The following KLF12 variants were observed in gnomAD, a reference collection of about 807,000 sequenced individuals.
KLF12 encodes the protein KLF transcription factor 12.
KLF12 carries 9 observed loss-of-function variants against 37.8 expected under a neutral mutation model. That is an observed-to-expected ratio of 0.24 (90% CI 0.14 to 0.42). KLF12 has a LOEUF of 0.42. Among genes scored for constraint, KLF12 ranks in the 10% least tolerant of loss-of-function variants. KLF12 has a pLI of 1.00. For missense variants in KLF12, 411 were observed against 516.0 expected (o/e 0.80, Z 1.97); for synonymous variants, 208 against 202.1 (o/e 1.03, Z -0.25).
intron 3 of KLF12, among the ~76,000 whole-genome samples, chr13:73,936,450 C>G (rs55862834): frequency 0.01 from 1,559 of 152,240 alleles, 24 homozygotes; most frequent in African/African-American, 0.036. Context: ...AAGAATTGTT[C>G]AACCTACTGC....
At chr13:74,098,288 A>G (rs1210014258) in intron 1 of KLF12, among the ~76,000 whole-genome samples, 1 of 152,200 alleles carries the variant, frequency 6.6e-6, no homozygotes, top group African/African-American at 2.4e-5. Context: ...GGTCCAGGTA[A>G]TTATTAACTA....
intron 3 of KLF12, among the ~76,000 whole-genome samples, chr13:73,896,529 T>A (rs767744616): frequency 6.6e-6 from 1 of 152,202 alleles, no homozygotes; most frequent in Non-Finnish European, 1.5e-5. Flanking sequence ...ATGTGGTATA[T>A]TCAGCTTTAT....
chr13:73,774,302 A>ATC (rs1491120262), intron 5 of KLF12, among the ~76,000 whole-genome samples: 1 of 138,262 alleles, frequency 7.2e-6, no homozygotes. Flanking sequence ...ACACACACAC[A>ATC]TCTATATATA....
intron 1 of KLF12, among the ~76,000 whole-genome samples, chr13:74,060,455 G>T (rs73529190): frequency 1.3e-5 from 2 of 148,500 alleles, no homozygotes; most frequent in African/African-American, 5.0e-5. Flanking sequence ...GACATCTTTC[G>T]CCTCCGTGGT....
chr13:74,157,886 C>G, the KLF12 span, among the ~76,000 whole-genome samples: 1 of 152,238 alleles, frequency 6.6e-6, no homozygotes, highest in Non-Finnish European at 1.5e-5. Context: ...CAGGTGCCCT[C>G]ACAACCAGCC....
At chr13:73,806,781 A>C (rs1882658306) in intron 5 of KLF12, among the ~76,000 whole-genome samples, 2 of 152,070 alleles carry the variant, frequency 1.3e-5, no homozygotes, top group Admixed American at 6.6e-5. Flanking sequence ...AAATTACATG[A>C]GTTTTCATAG....
intron 1 of KLF12, among the ~76,000 whole-genome samples, chr13:74,067,550 T>C (rs1873987424): frequency 6.6e-6 from 1 of 152,062 alleles, no homozygotes; most frequent in South Asian, 2.1e-4. Flanking sequence ...CAGGTACCTA[T>C]CCACAAAATG....
chr13:74,253,138 T>C, the KLF12 span, among the ~76,000 whole-genome samples: 293 of 152,328 alleles, frequency 1.9e-3, 2 homozygotes, highest in Non-Finnish European at 2.6e-3. Context: ...TAGAGAAATA[T>C]CTATGCTTTT....
chr13:74,109,515 T>C (rs936641204), intron 1 of KLF12, among the ~76,000 whole-genome samples: 1 of 152,138 alleles, frequency 6.6e-6, no homozygotes, highest in African/African-American at 2.4e-5. Context: ...AGAAGTACTC[T>C]AGAACACAGG....
At chr13:73,807,548 G>T (rs1400224616) in intron 5 of KLF12, among the ~76,000 whole-genome samples, 2 of 152,086 alleles carry the variant, frequency 1.3e-5, no homozygotes, top group Non-Finnish European at 2.9e-5. Context: ...GCTTTAATTA[G>T]CTTAAATGTA....
At chr13:74,303,260 G>A in the KLF12 span, among the ~76,000 whole-genome samples, 1 of 152,074 alleles carries the variant, frequency 6.6e-6, no homozygotes, top group African/African-American at 2.4e-5. Context: ...TCTCATGCTT[G>A]GCACATGGCA....
chr13:73,853,323 C>G (rs1885434484), intron 3 of KLF12, among the ~76,000 whole-genome samples: 1 of 152,154 alleles, frequency 6.6e-6, no homozygotes, highest in Non-Finnish European at 1.5e-5. Context: ...TTACCTGAAG[C>G]AAATCAGAAT....
intron 1 of KLF12, among the ~76,000 whole-genome samples, chr13:74,078,466 A>G (rs1392272765): frequency 2.0e-5 from 3 of 152,254 alleles, no homozygotes; most frequent in Non-Finnish European, 4.4e-5. Flanking sequence ...TAAAACTGTT[A>G]CAAGGCATAA....
intron 2 of KLF12, among the ~76,000 whole-genome samples, chr13:73,990,370 C>T (rs1891934743): frequency 1.3e-5 from 2 of 150,996 alleles, no homozygotes; most frequent in East Asian, 3.9e-4. Flanking sequence ...ATAAATTGTT[C>T]ATTAGCATCC....
the KLF12 span, among the ~76,000 whole-genome samples, chr13:74,234,139 T>C: frequency 1.3e-5 from 2 of 152,150 alleles, no homozygotes; most frequent in Non-Finnish European, 2.9e-5. Flanking sequence ...AATTTTTTGG[T>C]AAACATAAAA....
At chr13:74,304,946 T>C in the KLF12 span, among the ~76,000 whole-genome samples, 1 of 152,140 alleles carries the variant, frequency 6.6e-6, no homozygotes, top group Non-Finnish European at 1.5e-5. Context: ...TTCCACACGC[T>C]TATTTAAGAT....
At chr13:74,265,356 A>G in the KLF12 span, among the ~76,000 whole-genome samples, 1 of 152,164 alleles carries the variant, frequency 6.6e-6, no homozygotes, top group Non-Finnish European at 1.5e-5. Context: ...TGATTTATTG[A>G]TCATTGAGTC....
intron 3 of KLF12, among the ~76,000 whole-genome samples, chr13:73,899,217 A>T (rs567705465): frequency 6.6e-6 from 1 of 152,318 alleles, no homozygotes; most frequent in Non-Finnish European, 1.5e-5. Context: ...AATAAAAGCA[A>T]GCATGATCTA....
At chr13:74,049,714 A>C (rs1872784070) in intron 1 of KLF12, among the ~76,000 whole-genome samples, 1 of 152,216 alleles carries the variant, frequency 6.6e-6, no homozygotes, top group African/African-American at 2.4e-5. Context: ...GGATAATCCA[A>C]CATTTGAGAA....
Sources: gnomAD v4.1 joint callset for allele counts (sites outside exome capture counted in the v4.1 genomes callset) on GRCh38, gnomAD v4.1.1 for gene constraint, MANE v1.5 for transcripts, NCBI Gene and HGNC (gene_info 2026-07-23, HGNC 2026-07-21) for gene names.